The following NEGR1 variants were observed in gnomAD, a reference collection of about 807,000 sequenced individuals.
NEGR1 encodes IgLON family member 4.
A neutral mutation model predicts 40.9 loss-of-function variants in NEGR1; 10 were observed. The ratio of observed to expected loss-of-function variants is 0.24; its 90% confidence interval spans 0.15 to 0.42. The LOEUF is 0.42. NEGR1 is among the 10% of genes least tolerant of loss of function. The pLI is 1.00. For missense variants in NEGR1, 352 were observed against 438.9 expected (o/e 0.80, Z 1.77); for synonymous variants, 185 against 166.8 (o/e 1.11, Z -0.84).
At chr1:71,769,628 C>G (rs905000744) in intron 3 of NEGR1, among the ~76,000 whole-genome samples, 1 of 152,000 alleles carries the variant, frequency 6.6e-6, no homozygotes, top group Non-Finnish European at 1.5e-5. Flanking sequence ...GATGCCACCA[C>G]GTGAAGGACA....
At chr1:71,992,762 A>G (rs1007943318) in intron 1 of NEGR1, among the ~76,000 whole-genome samples, 1 of 152,182 alleles carries the variant, frequency 6.6e-6, no homozygotes, top group Non-Finnish European at 1.5e-5. Flanking sequence ...TCAATAATAA[A>G]TCAGTTAAAC....
intron 4 of NEGR1, among the ~76,000 whole-genome samples, chr1:71,616,624 T>A (rs1276651339): frequency 1.3e-5 from 2 of 152,194 alleles, no homozygotes; most frequent in African/African-American, 4.8e-5. Flanking sequence ...ATTGCACAAC[T>A]GCATCTGGTG....
At chr1:71,407,637 A>G in intron 6 of NEGR1, 67 bp from the exon 7 acceptor site, 1 of 1,523,518 alleles carries the variant, frequency 6.6e-7, no homozygotes. Context: ...GACAATAATC[A>G]AAAGGTAGCC....
At chr1:71,439,002 C>A (rs184935765) in intron 6 of NEGR1, among the ~76,000 whole-genome samples, 2 of 152,292 alleles carry the variant, frequency 1.3e-5, no homozygotes, top group East Asian at 3.9e-4. Context: ...CAGTAAATAA[C>A]TGTTCACTAT....
intron 4 of NEGR1, among the ~76,000 whole-genome samples, chr1:71,670,453 A>G (rs1211896348): frequency 6.6e-6 from 1 of 152,134 alleles, no homozygotes; most frequent in Non-Finnish European, 1.5e-5. Flanking sequence ...TCTGGTTCAT[A>G]CATTTTTTGT....
At chr1:71,938,671 AT>A (rs536521513) in intron 1 of NEGR1, among the ~76,000 whole-genome samples, 5 of 151,150 alleles carry the variant, frequency 3.3e-5, no homozygotes, top group Admixed American at 2.6e-4. Context: ...GGGTACCAAC[AT>A]TTTTTTTTCT....
intron 1 of NEGR1, among the ~76,000 whole-genome samples, chr1:72,113,400 G>A (rs74087119): frequency 0.03 from 4,591 of 151,412 alleles, 257 homozygotes; most frequent in African/African-American, 0.11. Context: ...TGTTATCCTT[G>A]GAGAATGGCA....
intron 6 of NEGR1, among the ~76,000 whole-genome samples, chr1:71,412,568 TAATATTCCTA>T (rs1202242328): frequency 6.6e-6 from 1 of 152,198 alleles, no homozygotes; most frequent in Non-Finnish European, 1.5e-5. Context: ...GGATGTGAAA[TAATATTCCTA>T]AATATGCATG....
intron 2 of NEGR1, among the ~76,000 whole-genome samples, chr1:71,782,832 C>T (rs1032677469): frequency 4.1e-4 from 63 of 152,200 alleles, no homozygotes; most frequent in African/African-American, 1.3e-3. Context: ...TTAAATATTC[C>T]TCTAACTCAT....
chr1:71,534,324 T>G (rs1647447352), intron 6 of NEGR1, among the ~76,000 whole-genome samples: 1 of 151,644 alleles, frequency 6.6e-6, no homozygotes, highest in Admixed American at 6.6e-5. Flanking sequence ...GCAGTAGTTA[T>G]AAAATAAGCT....
intron 2 of NEGR1, among the ~76,000 whole-genome samples, chr1:71,900,179 G>A (rs369162288): frequency 2.9e-4 from 44 of 152,238 alleles, no homozygotes; most frequent in African/African-American, 1.0e-3. Context: ...TGATAAATGC[G>A]AGGAGATTAA....
At chr1:71,574,809 G>A (rs1648914172) in intron 6 of NEGR1, among the ~76,000 whole-genome samples, 1 of 152,108 alleles carries the variant, frequency 6.6e-6, no homozygotes, top group Admixed American at 6.5e-5. Context: ...TATGTTCTGT[G>A]TATATATGAT....
intron 1 of NEGR1, among the ~76,000 whole-genome samples, chr1:72,109,507 C>CTATG (rs1649270891): frequency 6.6e-6 from 1 of 151,630 alleles, no homozygotes; most frequent in Non-Finnish European, 1.5e-5. Context: ...CCAACTGATT[C>CTATG]TATGGTATCT....
rs368631212 is a variant in NEGR1 at position 71,776,278 on chromosome 1, G to T, written c.429C>A (p.Asp143Glu). Residue 143 changes from aspartate to glutamate, a missense_variant, in exon 3 of 7, where the codon GAC becomes GAA. Physicochemically the swap from Asp to Glu is conservative, Grantham distance 45. Transcript: ENST00000357731. ...CATTGACGGTCATATCATTTGAGATGTCATATATCTTAGGAGGAACTGAAA... is the reference window on the plus strand; with the variant it reads ...CATTGACGGTCATATCATTTGAGATTTCATATATCTTAGGAGGAACTGAAA... ...LTVQVPPKIYDISNDMTVNEG... is the reference protein window; with the variant it reads ...LTVQVPPKIYEISNDMTVNEG... 6 of 1,598,702 alleles carry T rather than the reference G, an allele frequency of 3.8e-6. No homozygotes were observed. Among genetic ancestry groups the T allele is most frequent in the African/African-American group, 1.3e-5 (1 of 74,370 alleles).
chr1:71,597,436 C>A (rs374198068), intron 5 of NEGR1, among the ~76,000 whole-genome samples: 7 of 20,834 alleles, frequency 3.4e-4, no homozygotes, highest in African/African-American at 7.5e-4. Context: ...ATATATGTCT[C>A]TCTCTCTCTC....
At chr1:72,257,598 T>A (rs1346191638) in intron 1 of NEGR1, among the ~76,000 whole-genome samples, 1 of 152,150 alleles carries the variant, frequency 6.6e-6, no homozygotes, top group Non-Finnish European at 1.5e-5. Flanking sequence ...TTAGTAATTT[T>A]CTCCAACATG....
intron 4 of NEGR1, among the ~76,000 whole-genome samples, chr1:71,690,737 AT>A (rs1191972622): frequency 4.7e-5 from 7 of 149,742 alleles, no homozygotes; most frequent in Non-Finnish European, 8.9e-5. Context: ...GCGTGGAGTC[AT>A]TTTCAACCCA....
At position 71,602,497 on chromosome 1, in the gene NEGR1, C is replaced by A. The variant is rs377643759; in HGVS notation, c.788+8529G>T. On this transcript the variant is annotated intron_variant, in intron 5 of 6. Coordinates refer to ENST00000357731, the MANE Select transcript of NEGR1 (RefSeq NM_173808.3). ...CGATCTCCTGACCTCGTGATCCGCC[C>A]GCCTCGGCCTCCCAAAGTGCTGGGA... Among the ~76,000 whole-genome samples, 96 of 151,796 alleles carry A rather than the reference C, an allele frequency of 6.3e-4. 1 individual carries two copies. The highest frequency in any genetic ancestry group is 2.2e-3 in the African/African-American group (91 of 41,398).
At chr1:71,635,897 T>A (rs935524285) in intron 4 of NEGR1, among the ~76,000 whole-genome samples, 5 of 152,014 alleles carry the variant, frequency 3.3e-5, no homozygotes, top group Non-Finnish European at 5.9e-5. Flanking sequence ...TTGTGTATAT[T>A]TTGTCATATT....
Sources: allele counts gnomAD v4.1 joint callset (sites outside exome capture counted in the v4.1 genomes callset), GRCh38; gene constraint gnomAD v4.1.1; transcripts MANE v1.5; gene names NCBI Gene and HGNC (gene_info 2026-07-23, HGNC 2026-07-21).